TLK1: variants seen among roughly 807,000 people sequenced by gnomAD.
TLK1 encodes serine/threonine-protein kinase tousled-like 1.
In TLK1, 24 loss-of-function variants were observed where a neutral mutation model predicts 105.3. That is an observed-to-expected ratio of 0.23 (90% CI 0.17 to 0.32). The LOEUF (loss-of-function observed/expected upper bound fraction) is 0.32. Among genes scored for constraint, TLK1 ranks in the 10% least tolerant of loss-of-function variants. The pLI, the probability that TLK1 is intolerant of heterozygous loss-of-function variation, is 1.00. For synonymous variants in TLK1, 321 were observed against 310.4 expected (o/e 1.03, Z -0.36); for missense variants, 558 against 910.5 (o/e 0.61, Z 4.98).
chr2:171,202,703 G>A (rs1693427488), intron 1 of TLK1, among the ~76,000 whole-genome samples: 1 of 152,202 alleles, frequency 6.6e-6, no homozygotes. Flanking sequence ...GTTGCAGTGA[G>A]CCGAGATTGC....
At chr2:171,178,699 G>A (rs539248280) in intron 1 of TLK1, among the ~76,000 whole-genome samples, 10 of 152,302 alleles carry the variant, frequency 6.6e-5, no homozygotes, top group African/African-American at 2.4e-4. Flanking sequence ...GATTTTACTT[G>A]TCTAAATAGA....
intron 11 of TLK1, among the ~76,000 whole-genome samples, chr2:171,044,806 G>A (rs930164328): frequency 1.3e-5 from 2 of 152,092 alleles, no homozygotes; most frequent in Non-Finnish European, 2.9e-5. Flanking sequence ...AACTAAAATA[G>A]TCTTTTTGGA....
chr2:171,061,002 A>G lies in TLK1; in HGVS notation c.406+79T>C, dbSNP rs553138238. 3.3e-5 allele frequency: 44 copies of G among 1,327,150 alleles called. 1 individual carries two copies. The African/African-American group carries it at 3.9e-4, about 12-fold the overall frequency. 82.2% of individuals were successfully genotyped at this position (1,327,150 alleles called of 1,614,324 possible). A position where few individuals can be genotyped will look rare whatever the true frequency, so the allele number is the denominator to read the frequency against. Reference sequence around the variant, plus strand: ...TACAACTTCATATTATTTTACAATTAGAGTATTAATTGGTTAAAAATTAAA... The same window carrying G: ...TACAACTTCATATTATTTTACAATTGGAGTATTAATTGGTTAAAAATTAAA... On this transcript the variant is annotated intron_variant, in intron 4 of 20. Transcript: ENST00000431350.
chr2:171,136,787 G>C (rs1205595069), intron 1 of TLK1, among the ~76,000 whole-genome samples: 1 of 152,240 alleles, frequency 6.6e-6, no homozygotes, highest in Non-Finnish European at 1.5e-5. Context: ...TAACTAGAAG[G>C]GTTGAACTTC....
intron 12 of TLK1, among the ~76,000 whole-genome samples, chr2:171,018,982 G>A (rs1423246123): frequency 6.6e-6 from 1 of 152,010 alleles, no homozygotes; most frequent in African/African-American, 2.4e-5. Context: ...ACACACTATA[G>A]CTATTTTAAC....
intron 1 of TLK1, among the ~76,000 whole-genome samples, chr2:171,215,872 C>G (rs1353414193): frequency 6.6e-6 from 1 of 152,146 alleles, no homozygotes; most frequent in Non-Finnish European, 1.5e-5. Flanking sequence ...AATATGCGCA[C>G]CACCACCCCT....
intron 3 of TLK1, chr2:171,066,947 T>C: frequency 1.3e-6 from 2 of 1,543,450 alleles, no homozygotes; most frequent in Non-Finnish European, 1.7e-6. Context: ...ATTCTGGAAA[T>C]GTTGGCATTT....
intron 8 of TLK1, among the ~76,000 whole-genome samples, chr2:171,053,423 C>T (rs569594549): frequency 1.3e-5 from 2 of 151,648 alleles, no homozygotes; most frequent in Admixed American, 1.3e-4. Context: ...AGTACAGTGA[C>T]GTGATCTCAG....
chr2:171,050,281 TTAA>T (rs1687174325), intron 8 of TLK1, 107 bp from the exon 9 acceptor site: 2 of 682,048 alleles, frequency 2.9e-6, no homozygotes, highest in Non-Finnish European at 4.5e-6. Context: ...ACTAATAATA[TTAA>T]ATATCTGAGT....
intron 1 of TLK1, among the ~76,000 whole-genome samples, chr2:171,149,459 T>G (rs1195855106): frequency 6.6e-6 from 1 of 152,224 alleles, no homozygotes. Flanking sequence ...TAACTTGTTA[T>G]GTAATAATGT....
chr2:171,045,998 C>T (rs528177316), intron 11 of TLK1, 176 bp downstream of exon 11: 17 of 508,918 alleles, frequency 3.3e-5, no homozygotes, highest in African/African-American at 1.6e-4. Flanking sequence ...CTGCTTAAAA[C>T]GGTAGAATTC....
intron 1 of TLK1, among the ~76,000 whole-genome samples, chr2:171,131,016 A>G (rs1369265015): frequency 7.2e-6 from 1 of 139,202 alleles, no homozygotes; most frequent in East Asian, 1.9e-4. Flanking sequence ...TTTTATCTGC[A>G]ACCTTAACGG....
At chr2:171,161,209 G>A (rs1692489114), upstream of TLK1, among the ~76,000 whole-genome samples, 2 of 150,154 alleles carry the variant, frequency 1.3e-5, no homozygotes, top group Non-Finnish European at 3.0e-5. Context: ...CCCCCGCCGC[G>A]CCGCTCGGGC....
chr2:171,086,700 C>A (rs1478545390), intron 2 of TLK1, among the ~76,000 whole-genome samples: 1 of 151,926 alleles, frequency 6.6e-6, no homozygotes, highest in Admixed American at 6.6e-5. Context: ...GGTAGGTTTC[C>A]TGTTTTTACA....
At chr2:171,113,358 T>C (rs1300275177) in intron 2 of TLK1, among the ~76,000 whole-genome samples, 2 of 151,014 alleles carry the variant, frequency 1.3e-5, no homozygotes, top group East Asian at 2.0e-4. Flanking sequence ...GCAACCTCCA[T>C]CTCCTGGGTT....
At chr2:171,059,802 A>G in intron 4 of TLK1, 1 of 691,438 alleles carries the variant, frequency 1.4e-6, no homozygotes, top group Non-Finnish European at 2.6e-6. Context: ...GGGAGTGCAT[A>G]ACCTGGATCC....
chr2:171,205,114 G>A (rs375451267), intron 1 of TLK1, among the ~76,000 whole-genome samples: 56 of 152,244 alleles, frequency 3.7e-4, no homozygotes, highest in African/African-American at 1.3e-3. Flanking sequence ...TTGGGAGGCT[G>A]AGGTGAGAGG....
intron 2 of TLK1, among the ~76,000 whole-genome samples, chr2:171,100,163 G>A (rs1157717654): frequency 6.6e-6 from 1 of 152,164 alleles, no homozygotes; most frequent in Admixed American, 6.5e-5. Flanking sequence ...ATGCTCATCA[G>A]TCATTAGGGA....
chr2:171,207,090 T>G (rs1466891224), intron 1 of TLK1, among the ~76,000 whole-genome samples: 1 of 152,250 alleles, frequency 6.6e-6, no homozygotes, highest in African/African-American at 2.4e-5. Flanking sequence ...ACAAAAAACC[T>G]GCACATGGAT....
Sources: allele counts gnomAD v4.1 joint callset (sites outside exome capture counted in the v4.1 genomes callset), GRCh38; gene constraint gnomAD v4.1.1; transcripts MANE v1.5; gene names NCBI Gene and HGNC (gene_info 2026-07-23, HGNC 2026-07-21).